Variants in RIMBP2 observed in about 807,000 individuals in gnomAD.
The protein encoded by RIMBP2 is RIMS binding protein 2.
RIMBP2 carries 48 observed loss-of-function variants against 118.6 expected under a neutral mutation model. The ratio of observed to expected loss-of-function variants is 0.40; its 90% confidence interval spans 0.32 to 0.51. The LOEUF (loss-of-function observed/expected upper bound fraction) is 0.51. RIMBP2 is among the 20% of genes least tolerant of loss of function. RIMBP2 has a pLI of 0.41. For missense variants in RIMBP2, 1,551 were observed against 1,768.3 expected (o/e 0.88, Z 2.20); for synonymous variants, 762 against 742.9 (o/e 1.03, Z -0.42).
intron 2 of RIMBP2, among the ~76,000 whole-genome samples, chr12:130,591,280 AT>A: frequency 6.6e-6 from 1 of 152,268 alleles, no homozygotes; most frequent in Admixed American, 6.5e-5. Flanking sequence ...CAGAGTCATT[AT>A]TTTTTTAGAT....
intron 2 of RIMBP2, among the ~76,000 whole-genome samples, chr12:130,605,294 T>C (rs1228414469): frequency 6.6e-6 from 1 of 152,248 alleles, no homozygotes; most frequent in African/African-American, 2.4e-5. Context: ...TTACTTGTAA[T>C]GCCTGATTTA....
chr12:130,411,485 A>G (rs7978389), intron 19 of RIMBP2, among the ~76,000 whole-genome samples: 117,083 of 152,074 alleles, frequency 0.77, 45,232 homozygotes, highest in South Asian at 0.9. Context: ...GTTTCTGGCA[A>G]TGCGGCAGGG....
At chr12:130,619,001 T>A (rs1412985191) in intron 2 of RIMBP2, among the ~76,000 whole-genome samples, 1 of 152,176 alleles carries the variant, frequency 6.6e-6, no homozygotes, top group Non-Finnish European at 1.5e-5. Flanking sequence ...GCTTTATTGC[T>A]GATGGACTTT....
chr12:130,396,717 T>G lies in RIMBP2; in HGVS notation c.*644A>C, dbSNP rs916872080. 9 of 152,672 alleles carry G rather than the reference T, an allele frequency of 5.9e-5. No homozygotes were observed. The highest frequency in any genetic ancestry group is 2.2e-4 in the African/African-American group (9 of 41,464). The allele number at this position is 152,672 out of a possible 1,614,324, so 9.5% of individuals were successfully genotyped here. A position where few individuals can be genotyped will look rare whatever the true frequency, so the allele number is the denominator to read the frequency against. ...CAAAGTTACTTTCTCTCCTTTTCTC[T>G]TTTTTGAATGATTGAGTAAACATTT... On this transcript the variant is annotated 3_prime_UTR_variant, in exon 23 of 23. Coordinates refer to ENST00000690449, the MANE Select transcript of RIMBP2 (RefSeq NM_001393629.1).
intron 6 of RIMBP2, among the ~76,000 whole-genome samples, chr12:130,468,349 T>C (rs1593413636): frequency 6.6e-6 from 1 of 152,098 alleles, no homozygotes; most frequent in Non-Finnish European, 1.5e-5. Flanking sequence ...CAGCCAACCT[T>C]GGGCCCCTCC....
chr12:130,680,899 T>C (rs2064752028), intron 1 of RIMBP2, among the ~76,000 whole-genome samples: 1 of 152,204 alleles, frequency 6.6e-6, no homozygotes, highest in African/African-American at 2.4e-5. Context: ...GTGTGATAGA[T>C]TAACTTTTGA....
chr12:130,461,438 C>T (rs926896650), intron 6 of RIMBP2, among the ~76,000 whole-genome samples: 2 of 152,190 alleles, frequency 1.3e-5, no homozygotes, highest in African/African-American at 4.8e-5. Flanking sequence ...GGCCCGGGTG[C>T]AGCCCACCAA....
intron 1 of RIMBP2, among the ~76,000 whole-genome samples, chr12:130,681,998 T>C (rs1055737400): frequency 6.6e-6 from 1 of 152,156 alleles, no homozygotes; most frequent in Admixed American, 6.5e-5. Context: ...TGCCCAGCCA[T>C]GCAAGTATTT....
intron 1 of RIMBP2, among the ~76,000 whole-genome samples, chr12:130,648,029 G>GTGTGCACACACA (rs548120779): frequency 6.8e-6 from 1 of 146,406 alleles, no homozygotes; most frequent in Non-Finnish European, 1.5e-5. Context: ...GTGAACACAC[G>GTGTGCACACACA]TGTGTACACA....
Position 130,424,674 on chromosome 12 carries a change from T to C in RIMBP2, c.2597A>G (p.Glu866Gly). 3 of 1,231,826 alleles carry C rather than the reference T, an allele frequency of 2.4e-6. No individual in the cohort carries two copies. Among genetic ancestry groups the C allele is most frequent in the Non-Finnish European group, 3.0e-6 (3 of 987,854 alleles). 76.3% of individuals were successfully genotyped at this position (1,231,826 alleles called of 1,614,324 possible). A position where few individuals can be genotyped will look rare whatever the true frequency, so the allele number is the denominator to read the frequency against. The change falls in exon 16 of 23, where the codon GAG becomes GGG. Residue 866 changes from glutamate (E) to glycine (G), a missense_variant. This residue lies in a region of RIMBP2 where 1,038 missense variants were observed against 1,125.1 expected (regional missense o/e 0.92). Coordinates refer to ENST00000690449, the MANE Select transcript of RIMBP2 (RefSeq NM_001393629.1). The surrounding 1 kb of genome is among the most constrained non-coding windows in gnomAD (Gnocchi z 9.8). ...CCTGTAGGGCCTGCCGGGCCTGGGCTCTCTGGCCAGCCCCGTCCTGGCCCT... is the reference window on the plus strand; with the variant it reads ...CCTGTAGGGCCTGCCGGGCCTGGGCCCTCTGGCCAGCCCCGTCCTGGCCCT... The part of the protein sequence containing the change: ...SPRARTGLAR[E>G]PRPGRPYRGD...
At chr12:130,459,742 T>C (rs2079807069) in intron 6 of RIMBP2, among the ~76,000 whole-genome samples, 1 of 150,842 alleles carries the variant, frequency 6.6e-6, no homozygotes, top group Non-Finnish European at 1.5e-5. Flanking sequence ...GGCTGTCTGC[T>C]CTCACATGGT....
chr12:130,675,661 C>T (rs34089856), intron 1 of RIMBP2, among the ~76,000 whole-genome samples: 35,357 of 152,186 alleles, frequency 0.23, 4,583 homozygotes, highest in Non-Finnish European at 0.31. Context: ...CCAATCAGAT[C>T]GGTTTCAGCT....
At chr12:130,572,958 C>T (rs959444616) in intron 2 of RIMBP2, among the ~76,000 whole-genome samples, 3 of 151,978 alleles carry the variant, frequency 2.0e-5, no homozygotes, top group African/African-American at 4.8e-5. Flanking sequence ...TCCTTCCCCC[C>T]GGGGGGACAG....
In RIMBP2 at chr12:130,494,638, C is replaced by CA. The variant is rs71451372; in HGVS notation, c.-4+12009dup. 9.4e-3 allele frequency among the ~76,000 whole-genome samples: 1,270 copies of CA among 135,828 alleles called. 11 individuals carry two copies. The highest frequency in any genetic ancestry group is 0.012 in the Non-Finnish European group (774 of 63,730). 89.1% of individuals were successfully genotyped at this position (135,828 alleles called of 152,430 possible). Reference sequence around the variant, plus strand: ...TGGGCAACAGAGTGAAACCCTGTCTCAAAAAAAAAAAAAGAAAGAAAAGAA... The same window carrying CA: ...TGGGCAACAGAGTGAAACCCTGTCTCAAAAAAAAAAAAAAGAAAGAAAAGAA... On this transcript the variant is annotated intron_variant, in intron 4 of 22. Coordinates refer to ENST00000690449, the MANE Select transcript of RIMBP2 (RefSeq NM_001393629.1).
At chr12:130,637,863 T>C (rs1400697144) in intron 1 of RIMBP2, among the ~76,000 whole-genome samples, 1 of 152,216 alleles carries the variant, frequency 6.6e-6, no homozygotes, top group Non-Finnish European at 1.5e-5. Flanking sequence ...CTGCCGGCTT[T>C]ACTGACTTTG....
intron 1 of RIMBP2, among the ~76,000 whole-genome samples, chr12:130,664,359 A>G (rs545807204): frequency 6.6e-6 from 1 of 151,006 alleles, no homozygotes; most frequent in African/African-American, 2.5e-5. Context: ...ACATGCACAC[A>G]CATATGCACG....
chr12:130,573,903 C>G (rs539661379), intron 2 of RIMBP2, among the ~76,000 whole-genome samples: 1 of 152,222 alleles, frequency 6.6e-6, no homozygotes, highest in East Asian at 1.9e-4. Flanking sequence ...ACTTTCCAGC[C>G]TCCACCCACA....
chr12:130,566,738 G>T (rs2057250190), intron 2 of RIMBP2, among the ~76,000 whole-genome samples: 1 of 152,234 alleles, frequency 6.6e-6, no homozygotes, highest in African/African-American at 2.4e-5. Flanking sequence ...CTGCTTCTAG[G>T]ATCCTGACCC....
At position 130,431,492 on chromosome 12, in the gene RIMBP2, A is replaced by G; in HGVS notation, c.2254-3155T>C. The stretch of plus-strand genomic sequence containing the variant: ...ATTCTTTGAATTGAATCAATATTTA[A>G]CGTTACTTTTAAAGAAAATATCTCA... On this transcript the variant is annotated intron_variant, in intron 14 of 22. Coordinates refer to ENST00000690449, the MANE Select transcript of RIMBP2 (RefSeq NM_001393629.1). This position sits in a 1 kb window ranked among gnomAD's most constrained non-coding sequence, Gnocchi z 4.0. 1 of 356,384 alleles carries G rather than the reference A, an allele frequency of 2.8e-6. No individual in the cohort carries two copies. The highest frequency in any genetic ancestry group is 5.9e-6 in the Non-Finnish European group (1 of 170,108). The allele number at this position is 356,384 out of a possible 1,614,324, so 22.1% of individuals were successfully genotyped here.
Sources: gnomAD v4.1 joint callset for allele counts (sites outside exome capture counted in the v4.1 genomes callset) on GRCh38, gnomAD v4.1.1 for gene constraint, gnomAD v4.1.1 regional missense constraint, Gnocchi (gnomAD v3.1) non-coding constraint, MANE v1.5 for transcripts, NCBI Gene and HGNC (gene_info 2026-07-23, HGNC 2026-07-21) for gene names.